Variants in COMMD10 observed in about 807,000 individuals in gnomAD.
COMMD10 encodes COMM domain-containing protein 10.
Under a neutral mutation model 28.9 loss-of-function variants are expected in COMMD10, and 33 were observed. The ratio of observed to expected loss-of-function variants is 1.14; its 90% CI spans 0.87 to 1.53. The LOEUF is 1.53. Among genes scored for constraint, COMMD10 ranks in the 40% most tolerant of loss-of-function variants. COMMD10 has a pLI of 0.00. For missense variants in COMMD10, 310 were observed against 233.4 expected, an observed-to-expected ratio of 1.33 and a Z score of -2.14; for synonymous variants, 110 against 81.7, an observed-to-expected ratio of 1.35 and a Z score of -1.87.
chr5:116,121,297 C>T (rs1334985685), intron 4 of COMMD10, among the ~76,000 whole-genome samples: 1 of 152,188 alleles, frequency 6.6e-6, no homozygotes, highest in Non-Finnish European at 1.5e-5. Flanking sequence ...CATGTTCCTG[C>T]AAAGGACATG....
intron 5 of COMMD10, among the ~76,000 whole-genome samples, chr5:116,244,662 A>C (rs1388269729): frequency 2.4e-5 from 2 of 82,184 alleles, no homozygotes; most frequent in African/African-American, 1.2e-4. Context: ...AAAAATTACA[A>C]AAAAAAAAAA....
intron 5 of COMMD10, among the ~76,000 whole-genome samples, chr5:116,245,267 A>G (rs1749912101): frequency 6.6e-6 from 1 of 152,102 alleles, no homozygotes; most frequent in African/African-American, 2.4e-5. Flanking sequence ...AAATTCCTCA[A>G]CACAGCTACC....
chr5:116,278,093 T>A (rs1361530734), intron 5 of COMMD10, among the ~76,000 whole-genome samples: 1 of 151,842 alleles, frequency 6.6e-6, no homozygotes, highest in Non-Finnish European at 1.5e-5. Context: ...AGTTAAATAA[T>A]GTACCTATTA....
chr5:116,109,212 G>T (rs1033389040), intron 4 of COMMD10, among the ~76,000 whole-genome samples: 4 of 152,152 alleles, frequency 2.6e-5, no homozygotes, highest in African/African-American at 9.7e-5. Flanking sequence ...CCATTTGTTT[G>T]TGTCGTGTTC....
intron 5 of COMMD10, among the ~76,000 whole-genome samples, chr5:116,160,660 C>G (rs1038726506): frequency 5.9e-5 from 9 of 152,108 alleles, no homozygotes; most frequent in Admixed American, 1.3e-4. Flanking sequence ...AATGAACAAT[C>G]TGCTGATACT....
chr5:116,241,426 A>C (rs1749803107), intron 5 of COMMD10, among the ~76,000 whole-genome samples: 1 of 152,044 alleles, frequency 6.6e-6, no homozygotes, highest in Non-Finnish European at 1.5e-5. Context: ...AAATCTGCAT[A>C]CTCTGTACCA....
At chr5:116,162,947 G>A (rs866891634) in intron 5 of COMMD10, among the ~76,000 whole-genome samples, 1 of 152,084 alleles carries the variant, frequency 6.6e-6, no homozygotes, top group Admixed American at 6.6e-5. Flanking sequence ...TTGGGTGAAT[G>A]GGAGTGAAGG....
chr5:116,203,048 T>G (rs1050732765), intron 5 of COMMD10, among the ~76,000 whole-genome samples: 1 of 152,030 alleles, frequency 6.6e-6, no homozygotes, highest in Non-Finnish European at 1.5e-5. Context: ...GAATCCATCT[T>G]GAATTGATTT....
At chr5:116,285,925 T>G (rs541880722) in intron 5 of COMMD10, among the ~76,000 whole-genome samples, 12 of 151,914 alleles carry the variant, frequency 7.9e-5, no homozygotes, top group African/African-American at 2.9e-4. Flanking sequence ...TTTGGAAGAG[T>G]TTCAGGACAA....
intron 5 of COMMD10, among the ~76,000 whole-genome samples, chr5:116,165,038 A>G (rs1270837445): frequency 1.3e-5 from 2 of 152,194 alleles, no homozygotes; most frequent in Non-Finnish European, 2.9e-5. Flanking sequence ...AGCTTTTCTA[A>G]TTTTTTAAAC....
At chr5:116,221,947 G>T (rs1749271329) in intron 5 of COMMD10, among the ~76,000 whole-genome samples, 1 of 152,160 alleles carries the variant, frequency 6.6e-6, no homozygotes, top group African/African-American at 2.4e-5. Flanking sequence ...GCCTGTTTTA[G>T]CAGGTTGTGA....
intron 4 of COMMD10, among the ~76,000 whole-genome samples, chr5:116,101,584 G>A (rs1313977856): frequency 3.3e-5 from 5 of 151,748 alleles, no homozygotes; most frequent in East Asian, 1.9e-4. Flanking sequence ...ACACCACCAC[G>A]CCCGGCTAAT....
rs1405848626 is a variant in COMMD10, at chr5:116,203,229, A to G, written c.510+69051A>G. ...GAAACGCAGAAAACCTCCAAGAAAT[A>G]TGGGACTATGTGAAAAGACCAAATC... On this transcript the variant is annotated intron_variant, in intron 5 of 6. Coordinates refer to ENST00000274458, the MANE Select transcript of COMMD10 (RefSeq NM_016144.4). Among the ~76,000 whole-genome samples, 10 of 152,176 alleles carry G rather than the reference A, an allele frequency of 6.6e-5. No individual in the cohort carries two copies. In the East Asian group the frequency reaches 7.7e-4, roughly 12 times the overall value.
Position 116,225,353 on chromosome 5 carries a change from G to GGTT in COMMD10, c.511-66164_511-66163insGTT, listed in dbSNP as rs143964154. ...AGACTTTCCTGTTTGTTTTTTTGGG[G>GGTT]ATTTTTTTTTTTTTTTTTGCATATG... On this transcript the variant is annotated intron_variant, in intron 5 of 6. Coordinates refer to ENST00000274458, the MANE Select transcript of COMMD10 (RefSeq NM_016144.4). Among the ~76,000 whole-genome samples, 272 of 116,460 alleles carry GGTT rather than the reference G, an allele frequency of 2.3e-3. 3 individuals are homozygous for GGTT. Among genetic ancestry groups the GGTT allele is most frequent in the African/African-American group, 8.7e-3 (256 of 29,356 alleles). 76.4% of individuals were successfully genotyped at this position (116,460 alleles called of 152,430 possible).
intron 4 of COMMD10, among the ~76,000 whole-genome samples, chr5:116,125,121 G>A (rs148966556): frequency 3.3e-5 from 5 of 152,138 alleles, no homozygotes; most frequent in African/African-American, 4.8e-5. Flanking sequence ...TATTTTCCTC[G>A]TTAGTTGATG....
intron 5 of COMMD10, among the ~76,000 whole-genome samples, chr5:116,236,006 T>C (rs250331): frequency 0.39 from 59,141 of 152,072 alleles, 14,084 homozygotes; most frequent in Non-Finnish European, 0.52. Flanking sequence ...GAACACTCTT[T>C]TATATGTTTT....
At chr5:116,270,740 C>G (rs1383462782) in intron 5 of COMMD10, among the ~76,000 whole-genome samples, 3 of 151,642 alleles carry the variant, frequency 2.0e-5, no homozygotes, top group Non-Finnish European at 4.4e-5. Context: ...AGCTCACGAC[C>G]AGCCTGACGA....
intron 2 of COMMD10, among the ~76,000 whole-genome samples, chr5:116,087,974 A>G (rs1047441644): frequency 6.6e-6 from 1 of 152,224 alleles, no homozygotes; most frequent in Admixed American, 6.5e-5. Flanking sequence ...TTTTCCGCTT[A>G]AAAATAATTC....
At chr5:116,158,516 C>T (rs1487824948) in intron 5 of COMMD10, among the ~76,000 whole-genome samples, 6 of 121,468 alleles carry the variant, frequency 4.9e-5, no homozygotes, top group Non-Finnish European at 8.4e-5. Flanking sequence ...CCCCTTTCTC[C>T]CTCAGGCTGA....
Sources: gnomAD v4.1 joint callset for allele counts (sites outside exome capture counted in the v4.1 genomes callset) on GRCh38, gnomAD v4.1.1 for gene constraint, MANE v1.5 for transcripts, NCBI Gene and HGNC (gene_info 2026-07-23, HGNC 2026-07-21) for gene names.